KCNT2: variants seen among roughly 807,000 people sequenced by gnomAD.
The protein encoded by KCNT2 is potassium channel subfamily T member 2.
In KCNT2, 67 loss-of-function variants were observed where a neutral mutation model predicts 153.8. That is an observed-to-expected ratio of 0.44 (90% CI 0.36 to 0.53). KCNT2 has a LOEUF of 0.53. Among genes scored for constraint, KCNT2 ranks in the 20% least tolerant of loss-of-function variants. The pLI is 0.00. For missense variants in KCNT2, 975 were observed against 1,354.8 expected (o/e 0.72, Z 4.40); for synonymous variants, 500 against 458.8 (o/e 1.09, Z -1.15).
At chr1:196,598,290 C>A (rs1664320249) in intron 1 of KCNT2, among the ~76,000 whole-genome samples, 2 of 152,026 alleles carry the variant, frequency 1.3e-5, no homozygotes, top group Non-Finnish European at 2.9e-5. Flanking sequence ...ATACTGTTTT[C>A]ATTTTGTTTC....
At chr1:196,575,990 A>AAAAAAG (rs1358771896) in intron 1 of KCNT2, among the ~76,000 whole-genome samples, 2 of 151,364 alleles carry the variant, frequency 1.3e-5, no homozygotes, top group African/African-American at 2.4e-5. Flanking sequence ...AAAAAAAAAA[A>AAAAAAG]AAAATTGAAG....
intron 25 of KCNT2, among the ~76,000 whole-genome samples, chr1:196,279,675 G>T (rs1658911387): frequency 1.3e-5 from 2 of 150,504 alleles, no homozygotes; most frequent in Admixed American, 1.3e-4. Context: ...TGATCTACCT[G>T]CCTAGGCCTC....
At position 196,333,951 on chromosome 1, in the gene KCNT2, A is replaced by G. The variant is rs765634639; in HGVS notation, c.1893T>C (p.Pro631=). The change falls in exon 17 of 28, where the codon CCT becomes CCC. Residue 631 remains proline, a synonymous_variant. Coordinates refer to ENST00000294725, the MANE Select transcript of KCNT2 (RefSeq NM_198503.5). ...ATGATGTATCTGCAACCTCTAAAAC[A>G]GGAGCAATGCTAGGTCTTCTTATTT... The part of the protein sequence containing the change: ...SKEIRRPSIA[P]VLEVADTSSI... The G allele has an allele frequency of 6.2e-7, 1 of 1,612,770 alleles. No individual in the cohort carries two copies. The highest frequency in any genetic ancestry group is 8.5e-7 in the Non-Finnish European group (1 of 1,179,076).
intron 14 of KCNT2, among the ~76,000 whole-genome samples, chr1:196,368,852 C>T (rs1471103132): frequency 2.0e-5 from 3 of 152,144 alleles, no homozygotes; most frequent in African/African-American, 7.2e-5. Context: ...GCAATTCCTA[C>T]CACATTATGT....
chr1:196,286,808 G>C (rs1203480183), intron 22 of KCNT2, among the ~76,000 whole-genome samples: 2 of 151,988 alleles, frequency 1.3e-5, no homozygotes, highest in Admixed American at 6.6e-5. Flanking sequence ...AAGTTTAGAA[G>C]AGTTTCTTGA....
At chr1:196,372,992 T>C in intron 14 of KCNT2, 148 bp downstream of exon 14, 1 of 514,888 alleles carries the variant, frequency 1.9e-6, no homozygotes, top group Non-Finnish European at 3.5e-6. Flanking sequence ...TCTTTATTTA[T>C]CTACCAGATA....
intron 1 of KCNT2, among the ~76,000 whole-genome samples, chr1:196,522,145 C>T (rs1001696346): frequency 6.6e-6 from 1 of 152,136 alleles, no homozygotes; most frequent in African/African-American, 2.4e-5. Flanking sequence ...TACTGGGAAA[C>T]TCCATTCCAA....
intron 1 of KCNT2, among the ~76,000 whole-genome samples, chr1:196,600,997 T>G (rs149845083): frequency 6.6e-6 from 1 of 152,288 alleles, no homozygotes; most frequent in Non-Finnish European, 1.5e-5. Context: ...CTTCTATAAG[T>G]GATTTTCTCC....
At chr1:196,264,668 T>C (rs908276563) in intron 25 of KCNT2, among the ~76,000 whole-genome samples, 7 of 152,168 alleles carry the variant, frequency 4.6e-5, no homozygotes, top group Non-Finnish European at 1.0e-4. Context: ...GGTCTTGCTC[T>C]GTTGCCTAGG....
chr1:196,486,850 C>T (rs113897043), intron 3 of KCNT2, among the ~76,000 whole-genome samples: 256 of 151,612 alleles, frequency 1.7e-3, no homozygotes, highest in Middle Eastern at 6.8e-3. Flanking sequence ...CATTTCAAGA[C>T]GAACATAAAA....
chr1:196,604,196 T>C (rs1053161615), intron 1 of KCNT2, among the ~76,000 whole-genome samples: 1 of 152,312 alleles, frequency 6.6e-6, no homozygotes, highest in South Asian at 2.1e-4. Flanking sequence ...CTTGACAGTA[T>C]TAAAATGGAA....
chr1:196,453,578 A>G (rs577350580), intron 8 of KCNT2, among the ~76,000 whole-genome samples: 1 of 151,926 alleles, frequency 6.6e-6, no homozygotes, highest in Non-Finnish European at 1.5e-5. Flanking sequence ...GACTTCTCAG[A>G]TTGTTGTTTT....
intron 1 of KCNT2, among the ~76,000 whole-genome samples, chr1:196,545,346 C>T (rs929697448): frequency 5.9e-5 from 9 of 152,026 alleles, no homozygotes; most frequent in African/African-American, 1.7e-4. Flanking sequence ...CTTTCTTCAT[C>T]ACCACCATGA....
chr1:196,548,298 A>G (rs1324072332), intron 1 of KCNT2, among the ~76,000 whole-genome samples: 1 of 152,040 alleles, frequency 6.6e-6, no homozygotes, highest in East Asian at 1.9e-4. Flanking sequence ...AATGAACTCA[A>G]ACAAATTTAC....
chr1:196,448,921 A>G (rs1357108122), intron 8 of KCNT2, among the ~76,000 whole-genome samples: 1 of 151,762 alleles, frequency 6.6e-6, no homozygotes, highest in African/African-American at 2.4e-5. Flanking sequence ...TATTTCCCCT[A>G]AATTGTGGCA....
intron 21 of KCNT2, among the ~76,000 whole-genome samples, chr1:196,310,268 G>A (rs1662038522): frequency 6.6e-6 from 1 of 151,790 alleles, no homozygotes; most frequent in Admixed American, 6.6e-5. Context: ...TTAATAGGAG[G>A]TATACAGACA....
Position 196,258,457 on chromosome 1 carries a change from G to A in KCNT2, c.2948C>T (p.Thr983Ile). Reference sequence around the variant, plus strand: ...GTGCCCTTGTTCTTTGGAGTCTTTGGTGTCTTCCCACTCTTCTACACTGAT... The same window carrying A: ...GTGCCCTTGTTCTTTGGAGTCTTTGATGTCTTCCCACTCTTCTACACTGAT... ...ISISVEEWED[T>I]KDSKEQGHHR... The change falls in exon 26 of 28, where the codon ACC becomes ATC. Residue 983 changes from threonine (T) to isoleucine (I), a missense_variant. Coordinates refer to ENST00000294725, the MANE Select transcript of KCNT2 (RefSeq NM_198503.5). The A allele has an allele frequency of 1.2e-6, 2 of 1,612,776 alleles. No homozygotes were observed. The highest frequency in any genetic ancestry group is 1.7e-6 in the Non-Finnish European group (2 of 1,179,258).
intron 1 of KCNT2, among the ~76,000 whole-genome samples, chr1:196,591,043 CACAA>C (rs1215225544): frequency 1.3e-5 from 2 of 152,088 alleles, no homozygotes; most frequent in African/African-American, 4.8e-5. Flanking sequence ...ATGAGAATCA[CACAA>C]ACACACAAAA....
chr1:196,387,822 A>G (rs1433388414), intron 13 of KCNT2, among the ~76,000 whole-genome samples: 1 of 151,830 alleles, frequency 6.6e-6, no homozygotes, highest in Non-Finnish European at 1.5e-5. Flanking sequence ...TCAAACTTTA[A>G]TCAGATATAT....
Sources: allele counts gnomAD v4.1 joint callset (sites outside exome capture counted in the v4.1 genomes callset), GRCh38; gene constraint gnomAD v4.1.1; transcripts MANE v1.5; gene names NCBI Gene and HGNC (gene_info 2026-07-23, HGNC 2026-07-21).